Variants in EXD3 observed in about 807,000 individuals in gnomAD.
EXD3 encodes exonuclease mut-7 homolog.
A neutral mutation model predicts 98.0 loss-of-function variants in EXD3; 92 were observed. The observed-to-expected ratio is 0.94, with a 90% CI of 0.79 to 1.12. EXD3 has a LOEUF of 1.12. Ranked by LOEUF, EXD3 falls within the 50% of genes most tolerant of loss-of-function variation. The pLI, the probability that EXD3 is intolerant of heterozygous loss-of-function variation, is 0.00. For missense variants in EXD3, 1,222 were observed against 1,191.6 expected (o/e 1.03, Z -0.38); for synonymous variants, 569 against 526.0 (o/e 1.08, Z -1.12).
intron 17 of EXD3, among the ~76,000 whole-genome samples, chr9:137,330,468 T>C (rs1033997349): frequency 7.9e-6 from 1 of 127,186 alleles, no homozygotes; most frequent in African/African-American, 3.3e-5. Context: ...TACACAGGAC[T>C]ACAAAGGAGC....
chr9:137,382,025 G>C (rs1439754432), intron 3 of EXD3, among the ~76,000 whole-genome samples: 4 of 148,222 alleles, frequency 2.7e-5, no homozygotes, highest in East Asian at 2.0e-4. Flanking sequence ...ACGCGGGGAG[G>C]AGGTGAGGGC....
intron 19 of EXD3, among the ~76,000 whole-genome samples, chr9:137,316,816 C>T (rs906225470): frequency 4.6e-5 from 7 of 152,310 alleles, no homozygotes; most frequent in African/African-American, 1.2e-4. Context: ...CTGGGAGCCC[C>T]GCCCCGCACA....
rs746741206 is a variant in EXD3, at chr9:137,349,495, T to C, written c.1531A>G (p.Arg511Gly). ...CTCAGGCCCCTCAGCTCCCTGGCCCTGTCCACGGCTGGGGCTGGCACGCTC... is the reference window on the plus strand; with the variant it reads ...CTCAGGCCCCTCAGCTCCCTGGCCCCGTCCACGGCTGGGGCTGGCACGCTC... The part of the protein sequence containing the change: ...VASVPAPAVD[R>G]ARELRGLSLL... Residue 511 changes from arginine to glycine, a missense_variant, in exon 15 of 22, where the codon AGG becomes GGG. Arg to Gly is a moderately radical substitution (Grantham distance 125). Coordinates refer to ENST00000340951, the MANE Select transcript of EXD3 (RefSeq NM_017820.5). This position sits in a 1 kb window ranked among gnomAD's most constrained non-coding sequence, Gnocchi z 7.4. 1.9e-6 allele frequency: 3 copies of C among 1,601,522 alleles called. No individual in the cohort carries two copies. Among genetic ancestry groups the C allele is most frequent in the African/African-American group, 1.3e-5 (1 of 74,736 alleles).
In EXD3 at chr9:137,364,800, G is replaced by A. The variant is rs751561405; in HGVS notation, c.656+1693C>T. On this transcript the variant is annotated intron_variant, in intron 7 of 21. Coordinates refer to ENST00000340951, the MANE Select transcript of EXD3 (RefSeq NM_017820.5). ...TTTTTTTTTTTTGAGACTGAGTCTC[G>A]CTCTGTCGCCCAGGCTGCAGTGCAG... Among the ~76,000 whole-genome samples the A allele has an allele frequency of 4.0e-5, 5 of 125,996 alleles. No individual in the cohort carries two copies. The East Asian group carries it at 9.6e-4, about 24-fold the overall frequency. 82.7% of individuals were successfully genotyped at this position (125,996 alleles called of 152,430 possible). A position where few individuals can be genotyped will look rare whatever the true frequency, so the allele number is the denominator to read the frequency against.
intron 4 of EXD3, 99 bp from the exon 5 acceptor site, chr9:137,373,171 C>T: frequency 1.4e-6 from 2 of 1,399,174 alleles, no homozygotes; most frequent in Non-Finnish European, 1.9e-6. Context: ...GCGCCTGCCA[C>T]TGTGGCCATG....
In EXD3 at chr9:137,407,187, C is replaced by T. The variant is rs964585026; in HGVS notation, c.-47-11783G>A. Among the ~76,000 whole-genome samples, 5 of 152,010 alleles carry T rather than the reference C, an allele frequency of 3.3e-5. No individual in the cohort carries two copies. Among genetic ancestry groups the T allele is most frequent in the African/African-American group, 1.2e-4 (5 of 41,282 alleles). On this transcript the variant is annotated intron_variant, in intron 1 of 21. Transcript: ENST00000340951. This position sits in a 1 kb window ranked among gnomAD's most constrained non-coding sequence, Gnocchi z 4.4. ...CCCCTCTGCTGGTGGAACCCGGCAGCGCCTCCTCCGTCTCAGCCGCGTCGG... is the reference window on the plus strand; with the variant it reads ...CCCCTCTGCTGGTGGAACCCGGCAGTGCCTCCTCCGTCTCAGCCGCGTCGG...
At chr9:137,346,209 G>A (rs1288317174) in intron 17 of EXD3, among the ~76,000 whole-genome samples, 12 of 109,520 alleles carry the variant, frequency 1.1e-4, no homozygotes, top group African/African-American at 2.9e-4. Context: ...ACTGCACTCC[G>A]GGCTGGGAGA....
chr9:137,414,655 T>A (rs1014803446), intron 1 of EXD3, among the ~76,000 whole-genome samples: 3 of 152,160 alleles, frequency 2.0e-5, no homozygotes, highest in African/African-American at 7.2e-5. Context: ...ACTTACCAAT[T>A]TAACTTAAGG....
chr9:137,422,647 G>C (rs1054667199), intron 1 of EXD3, among the ~76,000 whole-genome samples: 1 of 152,220 alleles, frequency 6.6e-6, no homozygotes, highest in Non-Finnish European at 1.5e-5. Flanking sequence ...AATTATTTTA[G>C]GTTGACAACT....
At chr9:137,336,510 C>T (rs1331762631) in intron 17 of EXD3, among the ~76,000 whole-genome samples, 1 of 151,818 alleles carries the variant, frequency 6.6e-6, no homozygotes, top group Non-Finnish European at 1.5e-5. Flanking sequence ...AAAATACAAA[C>T]ATTAGCTGGG....
intron 19 of EXD3, among the ~76,000 whole-genome samples, chr9:137,320,535 TGG>T (rs1831976915): frequency 6.6e-6 from 1 of 152,140 alleles, no homozygotes; most frequent in Non-Finnish European, 1.5e-5. Context: ...TTGCAGGGTG[TGG>T]GTGGCAGAGT....
At chr9:137,338,564 T>C (rs988780487) in intron 17 of EXD3, among the ~76,000 whole-genome samples, 2 of 151,650 alleles carry the variant, frequency 1.3e-5, no homozygotes, top group Non-Finnish European at 2.9e-5. Flanking sequence ...TAGAAAGACT[T>C]AACAAAGCCA....
chr9:137,348,926 C>T lies in EXD3; in HGVS notation c.1830+184G>A, dbSNP rs557977586. ...CCTGAGCAGTGACCCCCCAGGCAAGCGCAGCCCCCGTGACAGTCATGCAGG... is the reference window on the plus strand; with the variant it reads ...CCTGAGCAGTGACCCCCCAGGCAAGTGCAGCCCCCGTGACAGTCATGCAGG... On this transcript the variant is annotated intron_variant, in intron 16 of 21. Transcript: ENST00000340951. Among the ~76,000 whole-genome samples the T allele has an allele frequency of 3.9e-5, 6 of 152,098 alleles. No individual in the cohort carries two copies. In the South Asian group the frequency reaches 8.3e-4, roughly 21 times the overall value.
At chr9:137,415,958 G>A (rs746492515) in intron 1 of EXD3, among the ~76,000 whole-genome samples, 23 of 152,236 alleles carry the variant, frequency 1.5e-4, no homozygotes, top group Non-Finnish European at 2.6e-4. Flanking sequence ...CTGCTCTGCC[G>A]ACGGTGCCTC....
intron 1 of EXD3, among the ~76,000 whole-genome samples, chr9:137,414,670 T>A (rs1404176663): frequency 6.6e-6 from 1 of 152,186 alleles, no homozygotes; most frequent in Non-Finnish European, 1.5e-5. Flanking sequence ...TTAAGGATTG[T>A]TCCTTTCCTT....
intron 11 of EXD3, 131 bp downstream of exon 11, chr9:137,352,489 G>T: frequency 9.8e-7 from 1 of 1,017,378 alleles, no homozygotes; most frequent in Non-Finnish European, 1.4e-6. Context: ...GTGTATAGCT[G>T]CGCTCTTTGT....
At chr9:137,372,843 C>G in intron 5 of EXD3, 62 bp downstream of exon 5, 1 of 1,548,654 alleles carries the variant, frequency 6.5e-7, no homozygotes. Context: ...GAGCCAGGCG[C>G]GTCCTTGCCC....
intron 1 of EXD3, among the ~76,000 whole-genome samples, chr9:137,422,395 C>G (rs1838572592): frequency 1.3e-5 from 2 of 152,204 alleles, no homozygotes; most frequent in Admixed American, 1.3e-4. Context: ...CAGCCCCTCA[C>G]TACCCCTCGA....
rs756310163 is a variant in EXD3 at position 137,373,473 on chromosome 9, G to C, written c.247C>G (p.Gln83Glu). The change falls in exon 4 of 22, where the codon CAG (glutamine) becomes GAG (glutamate). Residue 83 changes from glutamine to glutamate, a missense_variant. By Grantham distance (29) the Gln-to-Glu change is conservative. Coordinates refer to ENST00000340951, the MANE Select transcript of EXD3 (RefSeq NM_017820.5). ...GPSLAAWISH[Q>E]LQCWLQAQPC... The stretch of plus-strand genomic sequence containing the variant: ...TGTGCCTGTAGCCAGCACTGCAGCT[G>C]GTGGGAGATCCAGGCCGCCAGGGAG... 6.2e-6 allele frequency: 10 copies of C among 1,609,682 alleles called. No individual in the cohort carries two copies. The highest frequency in any genetic ancestry group is 8.5e-6 in the Non-Finnish European group (10 of 1,179,030).
Sources: gnomAD v4.1 joint callset for allele counts (sites outside exome capture counted in the v4.1 genomes callset) on GRCh38, gnomAD v4.1.1 for gene constraint, Gnocchi (gnomAD v3.1) non-coding constraint, MANE v1.5 for transcripts, NCBI Gene and HGNC (gene_info 2026-07-23, HGNC 2026-07-21) for gene names.